NPAS3: variants seen among roughly 807,000 people sequenced by gnomAD.
NPAS3 encodes neuronal PAS domain protein 3, also known as neuronal PAS domain-containing protein 3.
In NPAS3, 14 loss-of-function variants were observed where a neutral mutation model predicts 73.1. The observed-to-expected ratio is 0.19, with a 90% CI of 0.13 to 0.30. NPAS3 has a LOEUF of 0.30. Among genes scored for constraint, NPAS3 ranks in the 10% least tolerant of loss-of-function variants. NPAS3 has a pLI of 1.00. For synonymous variants in NPAS3, 620 were observed against 541.5 expected, an observed-to-expected ratio of 1.14 and a Z score of -2.01; for missense variants, 1,096 against 1,250.0, an observed-to-expected ratio of 0.88 and a Z score of 1.86.
chr14:33,642,306 G>T (rs1409769069), intron 5 of NPAS3, among the ~76,000 whole-genome samples: 1 of 152,070 alleles, frequency 6.6e-6, no homozygotes, highest in Non-Finnish European at 1.5e-5. Flanking sequence ...ACTGTTAAAA[G>T]AAAATGAGAG....
chr14:33,105,835 A>G (rs2042708011), intron 2 of NPAS3, among the ~76,000 whole-genome samples: 1 of 152,186 alleles, frequency 6.6e-6, no homozygotes, highest in African/African-American at 2.4e-5. Flanking sequence ...AATGGCATGG[A>G]TAAGATTGAT....
chr14:33,768,300 TA>T (rs1362221017), intron 7 of NPAS3, among the ~76,000 whole-genome samples: 1 of 152,192 alleles, frequency 6.6e-6, no homozygotes, highest in African/African-American at 2.4e-5. Context: ...AGCTCTTATG[TA>T]ACACTGAGCT....
intron 4 of NPAS3, among the ~76,000 whole-genome samples, chr14:33,520,020 T>A (rs1225241855): frequency 2.0e-5 from 3 of 152,102 alleles, no homozygotes; most frequent in African/African-American, 7.2e-5. Context: ...CCACCCATCA[T>A]CTATCCTCCT....
At chr14:33,558,848 CTT>C (rs35496683) in intron 4 of NPAS3, among the ~76,000 whole-genome samples, 20 of 143,172 alleles carry the variant, frequency 1.4e-4, no homozygotes, top group Admixed American at 2.1e-4. Context: ...AATTCACGGC[CTT>C]TTTTTTTTTT....
chr14:33,500,395 G>C (rs2052453650), intron 4 of NPAS3, among the ~76,000 whole-genome samples: 1 of 151,852 alleles, frequency 6.6e-6, no homozygotes, highest in Non-Finnish European at 1.5e-5. Context: ...GGGGAACAAG[G>C]AAGTCCCTTA....
At chr14:33,047,978 T>C (rs1206818901) in intron 1 of NPAS3, among the ~76,000 whole-genome samples, 1 of 152,184 alleles carries the variant, frequency 6.6e-6, no homozygotes, top group Non-Finnish European at 1.5e-5. Context: ...GGATAATTAT[T>C]TGCATTGCAG....
At chr14:33,206,975 A>G (rs1246040568) in intron 2 of NPAS3, among the ~76,000 whole-genome samples, 1 of 152,094 alleles carries the variant, frequency 6.6e-6, no homozygotes, top group Admixed American at 6.6e-5. Flanking sequence ...TGTTGCTGTT[A>G]ATGGAAGTTA....
At chr14:33,653,966 A>G (rs2059072617) in intron 5 of NPAS3, among the ~76,000 whole-genome samples, 1 of 152,192 alleles carries the variant, frequency 6.6e-6, no homozygotes, top group Non-Finnish European at 1.5e-5. Context: ...TTCACAAAAG[A>G]GAAAGTCTCC....
At chr14:33,489,933 G>C (rs914670528) in intron 4 of NPAS3, among the ~76,000 whole-genome samples, 2 of 152,104 alleles carry the variant, frequency 1.3e-5, no homozygotes, top group African/African-American at 4.8e-5. Flanking sequence ...TAGAGTTCTT[G>C]GTAGGTTTCA....
chr14:33,520,180 C>A (rs2053494210), intron 4 of NPAS3, among the ~76,000 whole-genome samples: 1 of 152,120 alleles, frequency 6.6e-6, no homozygotes, highest in Non-Finnish European at 1.5e-5. Flanking sequence ...TACCACAGTA[C>A]AAAAAGTCGC....
intron 1 of NPAS3, among the ~76,000 whole-genome samples, chr14:32,970,584 T>A (rs2037378272): frequency 6.6e-6 from 1 of 152,196 alleles, no homozygotes; most frequent in Non-Finnish European, 1.5e-5. Flanking sequence ...GCTTAAACAG[T>A]GCAGCCTTAC....
At chr14:32,941,977 CA>C (rs745406642) in intron 1 of NPAS3, among the ~76,000 whole-genome samples, 2 of 152,184 alleles carry the variant, frequency 1.3e-5, no homozygotes, top group Non-Finnish European at 1.5e-5. Flanking sequence ...AATGGGAAAT[CA>C]GATGATTTGT....
intron 5 of NPAS3, among the ~76,000 whole-genome samples, chr14:33,645,808 A>G (rs918852525): frequency 4.6e-5 from 7 of 152,236 alleles, no homozygotes; most frequent in African/African-American, 1.7e-4. Context: ...TTCAAAAATG[A>G]GAAGAGCTAG....
intron 5 of NPAS3, among the ~76,000 whole-genome samples, chr14:33,573,767 C>G (rs538822223): frequency 1.1e-3 from 169 of 152,016 alleles, no homozygotes; most frequent in African/African-American, 3.9e-3. Flanking sequence ...TAGATTTGTG[C>G]TTTAGGGAAA....
intron 6 of NPAS3, among the ~76,000 whole-genome samples, chr14:33,704,126 TTATTGCCC>T (rs2060595136): frequency 6.6e-6 from 1 of 152,214 alleles, no homozygotes; most frequent in Admixed American, 6.5e-5. Flanking sequence ...AAACACTATA[TTATTGCCC>T]ATTACCTTGC....
At chr14:33,202,139 C>A (rs2046642871) in intron 2 of NPAS3, among the ~76,000 whole-genome samples, 1 of 152,060 alleles carries the variant, frequency 6.6e-6, no homozygotes, top group African/African-American at 2.4e-5. Flanking sequence ...TGTTGGCGCA[C>A]ACCTGTAATC....
chr14:33,418,475 C>T (rs192522846), intron 4 of NPAS3, among the ~76,000 whole-genome samples: 3 of 151,992 alleles, frequency 2.0e-5, no homozygotes, highest in East Asian at 3.9e-4. Context: ...AAATAAACTG[C>T]TGTTTATTTT....
intron 6 of NPAS3, among the ~76,000 whole-genome samples, 167 bp from the exon 7 acceptor site, chr14:33,735,047 T>G (rs1313319346): frequency 6.6e-6 from 1 of 152,204 alleles, no homozygotes; most frequent in African/African-American, 2.4e-5. Context: ...TTCTTTTTTA[T>G]TTTCCGCAAA....
intron 4 of NPAS3, among the ~76,000 whole-genome samples, chr14:33,524,598 T>C (rs555587766): frequency 2.0e-5 from 3 of 152,192 alleles, no homozygotes; most frequent in African/African-American, 2.4e-5. Flanking sequence ...AATAGAAAGA[T>C]GAAATCTGTA....
Sources: gnomAD v4.1 joint callset for allele counts (sites outside exome capture counted in the v4.1 genomes callset) on GRCh38, gnomAD v4.1.1 for gene constraint, MANE v1.5 for transcripts, NCBI Gene and HGNC (gene_info 2026-07-23, HGNC 2026-07-21) for gene names.